Variants in PTPRD observed in about 807,000 individuals in gnomAD.
The protein encoded by PTPRD is protein tyrosine phosphatase receptor type D, also known as receptor-type tyrosine-protein phosphatase delta.
In PTPRD, 34 loss-of-function variants were observed where a neutral mutation model predicts 214.5. The ratio of observed to expected loss-of-function variants is 0.16; its 90% confidence interval spans 0.12 to 0.21. The LOEUF is 0.21. Ranked by LOEUF, PTPRD falls within the 10% of genes least tolerant of loss-of-function variation. PTPRD has a pLI of 1.00. For synonymous variants in PTPRD, 1,128 were observed against 845.7 expected, an observed-to-expected ratio of 1.33 and a Z score of -5.79; for missense variants, 2,545 against 2,398.7, an observed-to-expected ratio of 1.06 and a Z score of -1.27.
At chr9:9,181,852 G>C (rs1291588200) in intron 10 of PTPRD, among the ~76,000 whole-genome samples, 1 of 152,004 alleles carries the variant, frequency 6.6e-6, no homozygotes, top group East Asian at 1.9e-4. Context: ...AACATCACTT[G>C]TATGATTAGT....
chr9:9,100,472 A>T (rs911168140), intron 10 of PTPRD, among the ~76,000 whole-genome samples: 1 of 152,132 alleles, frequency 6.6e-6, no homozygotes, highest in Non-Finnish European at 1.5e-5. Flanking sequence ...CCACCCCCAC[A>T]TTTCTTCTTC....
intron 7 of PTPRD, among the ~76,000 whole-genome samples, chr9:9,694,746 G>A (rs1002921818): frequency 6.6e-6 from 1 of 152,136 alleles, no homozygotes; most frequent in Non-Finnish European, 1.5e-5. Context: ...CCCTGTGGCT[G>A]CCACCACCAC....
intron 3 of PTPRD, among the ~76,000 whole-genome samples, chr9:10,152,811 G>C (rs1315260457): frequency 1.3e-5 from 2 of 152,064 alleles, no homozygotes; most frequent in Non-Finnish European, 2.9e-5. Context: ...GGCAACAAGA[G>C]TGAACTCCCC....
At chr9:8,974,263 T>C (rs533821327) in intron 11 of PTPRD, among the ~76,000 whole-genome samples, 46 of 152,250 alleles carry the variant, frequency 3.0e-4, no homozygotes, top group Admixed American at 1.6e-3. Context: ...TTCTTCTGCA[T>C]GTGGCTAGCC....
At chr9:10,549,386 G>A (rs553757689) in intron 2 of PTPRD, among the ~76,000 whole-genome samples, 33 of 152,218 alleles carry the variant, frequency 2.2e-4, no homozygotes, top group South Asian at 2.1e-4. Flanking sequence ...AAAAAGGAAA[G>A]GGGAAAGTTG....
chr9:10,343,978 G>GTTTTTTTTTTTTTTTTTT (rs139613939), intron 2 of PTPRD, among the ~76,000 whole-genome samples: 1 of 31,678 alleles, frequency 3.2e-5, no homozygotes, highest in African/African-American at 1.3e-4. Context: ...TCTGATGGTA[G>GTTTTTTTTTTTTTTTTTT]TTTTTTTTTT....
At chr9:9,978,344 G>C (rs1248908212) in intron 4 of PTPRD, among the ~76,000 whole-genome samples, 1 of 151,994 alleles carries the variant, frequency 6.6e-6, no homozygotes, top group East Asian at 1.9e-4. Context: ...AACTTTAGCA[G>C]AGAGATAAAA....
chr9:10,324,826 A>G (rs2096615111), intron 3 of PTPRD, among the ~76,000 whole-genome samples: 1 of 152,068 alleles, frequency 6.6e-6, no homozygotes, highest in South Asian at 2.1e-4. Context: ...AAGATTTGCT[A>G]TCAGAAATCT....
At chr9:8,822,337 T>C (rs545330307) in intron 11 of PTPRD, among the ~76,000 whole-genome samples, 152 of 151,354 alleles carry the variant, frequency 1.0e-3, no homozygotes, top group African/African-American at 3.5e-3. Context: ...CAAACTCAGA[T>C]AGAGAAATAA....
At chr9:8,583,281 A>G (rs896994782) in intron 14 of PTPRD, among the ~76,000 whole-genome samples, 7 of 149,282 alleles carry the variant, frequency 4.7e-5, no homozygotes, top group Non-Finnish European at 1.0e-4. Context: ...TTAACAGGCC[A>G]GAGACCAGTA....
chr9:8,562,126 G>A (rs1234228501), intron 14 of PTPRD, among the ~76,000 whole-genome samples: 2 of 152,120 alleles, frequency 1.3e-5, no homozygotes, highest in Non-Finnish European at 2.9e-5. Flanking sequence ...CCAAAATGGT[G>A]ACAGTGACAG....
In PTPRD at chr9:9,651,956, T is replaced by C. The variant is rs371863707; in HGVS notation, c.-286-77175A>G. ...TTCACACCATTCTCCCACCTCAGCC[T>C]CCCAAGTAGCTGGGACCACAGGCGC... On this transcript the variant is annotated intron_variant, in intron 7 of 45. Transcript: ENST00000381196. Among the ~76,000 whole-genome samples, 60 of 145,310 alleles carry C rather than the reference T, an allele frequency of 4.1e-4. 1 individual carries two copies. In the East Asian group the frequency reaches 8.9e-3, roughly 22 times the overall value.
chr9:8,377,624 A>T (rs956623424), intron 37 of PTPRD, among the ~76,000 whole-genome samples: 2 of 152,062 alleles, frequency 1.3e-5, no homozygotes, highest in Admixed American at 6.6e-5. Context: ...TAATGGGACT[A>T]ATTCTTAAGA....
intron 36 of PTPRD, among the ~76,000 whole-genome samples, chr9:8,395,373 A>T (rs992013076): frequency 2.6e-5 from 4 of 152,132 alleles, no homozygotes; most frequent in African/African-American, 9.7e-5. Flanking sequence ...AAAAACTAGA[A>T]AACAGGAAAT....
intron 10 of PTPRD, among the ~76,000 whole-genome samples, chr9:9,169,046 AC>A (rs1377233729): frequency 1.3e-5 from 2 of 151,984 alleles, no homozygotes; most frequent in African/African-American, 2.4e-5. Flanking sequence ...GTGCTACAAA[AC>A]GTATATATAA....
chr9:9,392,295 C>T (rs1406353044), intron 9 of PTPRD, among the ~76,000 whole-genome samples: 1 of 152,100 alleles, frequency 6.6e-6, no homozygotes, highest in Non-Finnish European at 1.5e-5. Flanking sequence ...GGGTCATAAA[C>T]CTGCTTACAA....
At chr9:10,410,057 A>C (rs1432788823) in intron 2 of PTPRD, among the ~76,000 whole-genome samples, 3 of 151,620 alleles carry the variant, frequency 2.0e-5, no homozygotes, top group Non-Finnish European at 4.4e-5. Context: ...TCTTGGGATA[A>C]TTTGGAATAA....
Position 10,578,728 on chromosome 9 carries a change from G to T in PTPRD, c.-600+33670C>A, listed in dbSNP as rs189788512. 3.8e-3 allele frequency among the ~76,000 whole-genome samples: 572 copies of T among 151,914 alleles called. 3 individuals carry two copies. The highest frequency in any genetic ancestry group is 0.013 in the African/African-American group (538 of 41,450). On this transcript the variant is annotated intron_variant, in intron 2 of 45. Transcript: ENST00000381196. ...ACTTTCGTTCATATTAGTTTTTTTTGAATAATTTCAACTTTTATTTTAGAT... is the reference window on the plus strand; with the variant it reads ...ACTTTCGTTCATATTAGTTTTTTTTTAATAATTTCAACTTTTATTTTAGAT...
intron 9 of PTPRD, among the ~76,000 whole-genome samples, chr9:9,228,780 T>C (rs889930171): frequency 4.6e-5 from 7 of 152,168 alleles, no homozygotes; most frequent in Admixed American, 1.3e-4. Flanking sequence ...AAACTATTAA[T>C]TTCTTTTCCT....
Sources: gnomAD v4.1 joint callset for allele counts (sites outside exome capture counted in the v4.1 genomes callset) on GRCh38, gnomAD v4.1.1 for gene constraint, MANE v1.5 for transcripts, NCBI Gene and HGNC (gene_info 2026-07-23, HGNC 2026-07-21) for gene names.